PDCD2L: variants seen among roughly 807,000 people sequenced by gnomAD.
PDCD2L encodes the protein programmed cell death 2 like.
A neutral mutation model predicts 40.4 loss-of-function variants in PDCD2L; 44 were observed. That is an observed-to-expected ratio of 1.09 (90% confidence interval 0.86 to 1.40). The LOEUF (loss-of-function observed/expected upper bound fraction) is 1.40, where lower values mean the gene tolerates loss of function less well. Among genes scored for constraint, PDCD2L ranks in the 40% most tolerant of loss-of-function variants. The probability of loss-of-function intolerance (pLI) is 0.00; values close to 1 mark genes in which losing one functional copy is unlikely to be tolerated. For missense variants in PDCD2L, 470 were observed against 453.7 expected, an observed-to-expected ratio of 1.04 and a Z score of -0.33; for synonymous variants, 194 against 174.6, an observed-to-expected ratio of 1.11 and a Z score of -0.88.
chr19:34,413,603 C>G (rs1214123954), intron 4 of PDCD2L, 134 bp from the exon 5 acceptor site: 3 of 486,634 alleles, frequency 6.2e-6, no homozygotes, highest in Non-Finnish European at 1.1e-5. Flanking sequence ...TCCCAAAGTG[C>G]TGAGATTACA....
At chr19:34,412,889 C>T (rs1329096918) in intron 4 of PDCD2L, among the ~76,000 whole-genome samples, 2 of 151,862 alleles carry the variant, frequency 1.3e-5, no homozygotes, top group East Asian at 3.9e-4. Context: ...CAGGTGCATG[C>T]CACCATGCCC....
Position 34,409,033 on chromosome 19 carries a change from T to C in PDCD2L, c.337-128T>C, listed in dbSNP as rs1223890204. 5.4e-6 allele frequency: 4 copies of C among 745,380 alleles called. 1 individual carries two copies. The highest frequency in any genetic ancestry group is 1.8e-5 in the South Asian group (1 of 55,338). 46.2% of individuals were successfully genotyped at this position (745,380 alleles called of 1,614,324 possible). On this transcript the variant is annotated intron_variant, in intron 3 of 6. Coordinates refer to ENST00000246535, the MANE Select transcript of PDCD2L (RefSeq NM_032346.2). ...TAGGGTCTAGAAAGTTTGATTGGAG[T>C]GTACCAGAGGGGAAGGGGATGGTGT... is the stretch of plus-strand genomic sequence containing the variant.
chr19:34,405,055 T>G, intron 3 of PDCD2L, 65 bp downstream of exon 3: 1 of 1,573,854 alleles, frequency 6.4e-7, no homozygotes, highest in Non-Finnish European at 8.7e-7. Flanking sequence ...AGAGAATAGT[T>G]TGGGGCAGAC....
chr19:34,405,621 C>T (rs2075070957), intron 3 of PDCD2L, among the ~76,000 whole-genome samples: 1 of 151,310 alleles, frequency 6.6e-6, no homozygotes, highest in South Asian at 2.1e-4. Flanking sequence ...GGAGACCAGG[C>T]TGGGCGCGGT....
At chr19:34,408,858 G>A (rs2075088767) in intron 3 of PDCD2L, among the ~76,000 whole-genome samples, 1 of 152,212 alleles carries the variant, frequency 6.6e-6, no homozygotes, top group African/African-American at 2.4e-5. Context: ...GGGAAAGGTA[G>A]TTCTTTCTTT....
Position 34,409,099 on chromosome 19 carries a change from C to A in PDCD2L, c.337-62C>A, listed in dbSNP as rs1053110551. 4.0e-6 allele frequency: 6 copies of A among 1,490,320 alleles called. No individual in the cohort carries two copies. In the Admixed American group the frequency reaches 1.1e-4, roughly 27 times the overall value. 92.3% of individuals were successfully genotyped at this position (1,490,320 alleles called of 1,614,324 possible). A position where few individuals can be genotyped will look rare whatever the true frequency, so the allele number is the denominator to read the frequency against. ...AAGGCGCGGCGGTGGGTGGCTGGAG[C>A]CGAAGGATTAGAATAAACCTCCCAA... is the stretch of plus-strand genomic sequence containing the variant. On this transcript the variant is annotated intron_variant, in intron 3 of 6. Coordinates refer to ENST00000246535, the MANE Select transcript of PDCD2L (RefSeq NM_032346.2).
At chr19:34,423,490 TC>T (rs2075162252) in intron 6 of PDCD2L, among the ~76,000 whole-genome samples, 1 of 139,136 alleles carries the variant, frequency 7.2e-6, no homozygotes, top group Non-Finnish European at 1.5e-5. Flanking sequence ...GGACCCAGTA[TC>T]TTTTTTTTTT....
intron 4 of PDCD2L, among the ~76,000 whole-genome samples, chr19:34,411,895 C>T (rs2075105007): frequency 6.7e-6 from 1 of 149,998 alleles, no homozygotes; most frequent in Non-Finnish European, 1.5e-5. Context: ...CCTCAAGTGA[C>T]CCACTCTCCT....
chr19:34,409,219 G>T lies in PDCD2L; in HGVS notation c.395G>T (p.Ser132Ile). The change falls in exon 4 of 7, where the codon AGT becomes ATT. Residue 132 changes from serine to isoleucine, a missense_variant. By Grantham distance (142) the Ser-to-Ile change is moderately radical (BLOSUM62 -2). Coordinates refer to ENST00000246535, the MANE Select transcript of PDCD2L (RefSeq NM_032346.2). ...TGTGAAGGTGCTGATGACTGGGGAAGTGATACTGAGGAGGGGCCTTCACCA... is the reference window on the plus strand; with the variant it reads ...TGTGAAGGTGCTGATGACTGGGGAATTGATACTGAGGAGGGGCCTTCACCA... ...DWCEGADDWGSDTEEGPSPQF... is the reference protein window; with the variant it reads ...DWCEGADDWGIDTEEGPSPQF... 1 of 1,614,214 alleles carries T rather than the reference G, an allele frequency of 6.2e-7. No individual in the cohort carries two copies. The highest frequency in any genetic ancestry group is 8.5e-7 in the Non-Finnish European group (1 of 1,180,036).
At chr19:34,424,340 G>T (rs1033924127) in intron 6 of PDCD2L, among the ~76,000 whole-genome samples, 1 of 152,110 alleles carries the variant, frequency 6.6e-6, no homozygotes, top group Admixed American at 6.6e-5. Flanking sequence ...AGCAACCTCA[G>T]TTCTTGCCTC....
At chr19:34,412,952 A>G (rs2075110758) in intron 4 of PDCD2L, among the ~76,000 whole-genome samples, 1 of 151,706 alleles carries the variant, frequency 6.6e-6, no homozygotes, top group East Asian at 1.9e-4. Flanking sequence ...ATTGCCCAGG[A>G]TGGTTTTGAA....
At chr19:34,410,697 A>G (rs973168801) in intron 4 of PDCD2L, among the ~76,000 whole-genome samples, 13 of 152,116 alleles carry the variant, frequency 8.5e-5, no homozygotes, top group Non-Finnish European at 1.5e-4. Context: ...AGGGGAATGC[A>G]TGAAGACATG....
chr19:34,407,792 A>G (rs184229266), intron 3 of PDCD2L, among the ~76,000 whole-genome samples: 3 of 152,342 alleles, frequency 2.0e-5, no homozygotes, highest in African/African-American at 2.4e-5. Flanking sequence ...TGAGAGCTAT[A>G]TATGTATTAA....
At chr19:34,420,961 T>C (rs1167868378) in intron 5 of PDCD2L, among the ~76,000 whole-genome samples, 2 of 152,196 alleles carry the variant, frequency 1.3e-5, no homozygotes, top group Admixed American at 1.3e-4. Flanking sequence ...CCTCAGATCA[T>C]AAGGCTTTAG....
intron 5 of PDCD2L, among the ~76,000 whole-genome samples, chr19:34,420,204 T>C (rs2075144144): frequency 6.6e-6 from 1 of 151,852 alleles, no homozygotes; most frequent in Admixed American, 6.6e-5. Context: ...TTGGCCAAGC[T>C]GATCTCGAAC....
Position 34,409,452 on chromosome 19 carries a change from C to T in PDCD2L, c.628C>T (p.Leu210Phe). ...TGTCAACCTGGATCATGCCCACAGC[C>T]TTCTGAGGGACTATCAGCAGAGAGA... ...DFVNLDHAHS[L>F]LRDYQQREGI... Residue 210 changes from leucine to phenylalanine, a missense_variant, in exon 4 of 7, where the codon CTT (leucine) becomes TTT (phenylalanine). By Grantham distance (22) the Leu-to-Phe change is conservative. Coordinates refer to ENST00000246535, the MANE Select transcript of PDCD2L (RefSeq NM_032346.2). 6.2e-6 allele frequency: 10 copies of T among 1,614,190 alleles called. No individual in the cohort carries two copies. The highest frequency in any genetic ancestry group is 8.5e-6 in the Non-Finnish European group (10 of 1,180,026).
intron 1 of PDCD2L, 43 bp from the exon 2 acceptor site, chr19:34,404,606 C>A: frequency 6.3e-7 from 1 of 1,598,612 alleles, no homozygotes; most frequent in Non-Finnish European, 8.5e-7. Context: ...TGGGCGAGGT[C>A]CTGGGGGGAG....
Position 34,409,246 on chromosome 19 carries a change from A to C in PDCD2L, c.422A>C (p.Gln141Pro), listed in dbSNP as rs760558619. Residue 141 changes from glutamine (Q) to proline (P), a missense_variant, in exon 4 of 7, where the codon CAG (glutamine) becomes CCG (proline). By Grantham distance (76) the Gln-to-Pro change is moderately conservative (BLOSUM62 -1). Coordinates refer to ENST00000246535, the MANE Select transcript of PDCD2L (RefSeq NM_032346.2). Reference protein sequence around the residue: ...GSDTEEGPSPQFTLDFGNDAS... With the variant: ...GSDTEEGPSPPFTLDFGNDAS... Reference sequence around the variant, plus strand: ...GATACTGAGGAGGGGCCTTCACCACAGTTTACCTTGGATTTTGGGAATGAT... The same window carrying C: ...GATACTGAGGAGGGGCCTTCACCACCGTTTACCTTGGATTTTGGGAATGAT... The C allele has an allele frequency of 6.2e-7, 1 of 1,614,158 alleles. No individual in the cohort carries two copies. The highest frequency in any genetic ancestry group is 1.1e-5 in the South Asian group (1 of 91,074).
chr19:34,425,327 G>T (rs2075172195), intron 6 of PDCD2L, among the ~76,000 whole-genome samples: 1 of 145,014 alleles, frequency 6.9e-6, no homozygotes. Context: ...TTAAGACAGG[G>T]TCTCGCTCTA....
Sources: gnomAD v4.1 joint callset for allele counts (sites outside exome capture counted in the v4.1 genomes callset) on GRCh38, gnomAD v4.1.1 for gene constraint, MANE v1.5 for transcripts, NCBI Gene and HGNC (gene_info 2026-07-23, HGNC 2026-07-21) for gene names.